GRM7: variants seen among roughly 807,000 people sequenced by gnomAD.
The protein encoded by GRM7 is metabotropic glutamate receptor 7.
A neutral mutation model predicts 84.5 loss-of-function variants in GRM7; 35 were observed. The observed-to-expected ratio is 0.41, with a 90% CI of 0.32 to 0.55. GRM7 has a LOEUF of 0.55. Among genes scored for constraint, GRM7 ranks in the 20% least tolerant of loss-of-function variants. The probability of loss-of-function intolerance (pLI) is 0.19; values close to 1 mark genes in which losing one functional copy is unlikely to be tolerated. For synonymous variants in GRM7, 487 were observed against 455.1 expected, an observed-to-expected ratio of 1.07 and a Z score of -0.89; for missense variants, 1,003 against 1,194.6, an observed-to-expected ratio of 0.84 and a Z score of 2.36.
intron 2 of GRM7, among the ~76,000 whole-genome samples, chr3:7,251,456 T>C (rs1407101362): frequency 6.6e-6 from 1 of 152,146 alleles, no homozygotes; most frequent in Non-Finnish European, 1.5e-5. Context: ...ATAATGAAAA[T>C]ATGCATAAAA....
chr3:7,737,623 A>G (rs888393067), intron 9 of GRM7, among the ~76,000 whole-genome samples: 2 of 152,174 alleles, frequency 1.3e-5, no homozygotes, highest in African/African-American at 4.8e-5. Context: ...CATTGCTGTG[A>G]AAAGTACACA....
At chr3:7,154,569 T>C (rs1335773537) in intron 2 of GRM7, among the ~76,000 whole-genome samples, 1 of 152,060 alleles carries the variant, frequency 6.6e-6, no homozygotes, top group Admixed American at 6.6e-5. Context: ...ATAGGATGCA[T>C]GTGCTAAGGA....
chr3:7,697,138 CT>C (rs1248228603), intron 9 of GRM7, among the ~76,000 whole-genome samples: 3 of 152,130 alleles, frequency 2.0e-5, no homozygotes, highest in African/African-American at 7.2e-5. Context: ...AAAATATTGA[CT>C]TCTCAATCTT....
chr3:7,451,075 C>T (rs535918304), intron 5 of GRM7, among the ~76,000 whole-genome samples: 31 of 152,260 alleles, frequency 2.0e-4, no homozygotes, highest in Admixed American at 1.8e-3. Flanking sequence ...ATTGTTTCTT[C>T]ACTACACAAA....
chr3:6,980,237 A>G (rs912824471), intron 1 of GRM7, among the ~76,000 whole-genome samples: 20 of 152,282 alleles, frequency 1.3e-4, no homozygotes, highest in African/African-American at 4.6e-4. Flanking sequence ...CATAATGTTA[A>G]TGATTACACA....
chr3:6,892,661 C>T (rs1696009576), intron 1 of GRM7: 1 of 152,112 alleles, frequency 6.6e-6, no homozygotes, highest in Non-Finnish European at 1.5e-5. Context: ...GTATTTGTAG[C>T]TGCCCGTTTT....
At chr3:7,223,290 T>C in intron 2 of GRM7, among the ~76,000 whole-genome samples, 2 of 152,228 alleles carry the variant, frequency 1.3e-5, no homozygotes, top group Non-Finnish European at 2.9e-5. Context: ...TAAATTTGAT[T>C]GTATTTTTTT....
intron 4 of GRM7, among the ~76,000 whole-genome samples, chr3:7,348,234 G>T (rs533827637): frequency 6.6e-6 from 1 of 152,134 alleles, no homozygotes; most frequent in South Asian, 2.1e-4. Flanking sequence ...ACTTCAGTTT[G>T]TATCTTGACA....
chr3:7,703,354 G>A (rs112050714), intron 9 of GRM7, among the ~76,000 whole-genome samples: 166 of 152,126 alleles, frequency 1.1e-3, no homozygotes, highest in Middle Eastern at 3.4e-3. Context: ...GCTACTGTAA[G>A]TTCTTTCTTA....
At chr3:7,006,967 A>G (rs578039603) in intron 1 of GRM7, among the ~76,000 whole-genome samples, 16 of 152,388 alleles carry the variant, frequency 1.0e-4, no homozygotes, top group African/African-American at 3.6e-4. Context: ...CTCAATGAGT[A>G]TAAAAGGATA....
intron 8 of GRM7, among the ~76,000 whole-genome samples, chr3:7,648,559 G>A (rs1002925252): frequency 6.6e-6 from 1 of 151,756 alleles, no homozygotes; most frequent in African/African-American, 2.4e-5. Flanking sequence ...TGAGGCAGGA[G>A]AATCGCTTGA....
At chr3:7,411,048 A>G (rs1471890453) in intron 4 of GRM7, among the ~76,000 whole-genome samples, 1 of 151,984 alleles carries the variant, frequency 6.6e-6, no homozygotes, top group Non-Finnish European at 1.5e-5. Context: ...TGTGGCTGCA[A>G]TACCCCATCT....
intron 4 of GRM7, among the ~76,000 whole-genome samples, chr3:7,389,204 T>G (rs751272747): frequency 3.3e-5 from 5 of 152,176 alleles, no homozygotes; most frequent in Non-Finnish European, 5.9e-5. Context: ...CCTCTTGGTA[T>G]TGATTTTGGT....
At chr3:7,032,948 AT>A (rs1396878579) in intron 1 of GRM7, among the ~76,000 whole-genome samples, 1 of 152,198 alleles carries the variant, frequency 6.6e-6, no homozygotes, top group Non-Finnish European at 1.5e-5. Context: ...AAGGATTGCC[AT>A]AACAAATCAA....
rs145983789 is a variant in GRM7, at chr3:7,228,914, C to T, written c.737-69770C>T. Among the ~76,000 whole-genome samples, 1,134 of 152,252 alleles carry T rather than the reference C, an allele frequency of 7.4e-3. 7 individuals are homozygous for T. Among genetic ancestry groups the T allele is most frequent in the Middle Eastern group, 0.041 (12 of 294 alleles). Reference sequence around the variant, plus strand: ...TCAACCACCAGTGGATTGGGTGAAGCATTAATAGTTTTATTAAATAACTTG... The same window carrying T: ...TCAACCACCAGTGGATTGGGTGAAGTATTAATAGTTTTATTAAATAACTTG... On this transcript the variant is annotated intron_variant, in intron 2 of 9. Coordinates refer to ENST00000357716, the MANE Select transcript of GRM7 (RefSeq NM_000844.4).
intron 9 of GRM7, among the ~76,000 whole-genome samples, chr3:7,689,353 A>G (rs1161646325): frequency 1.3e-5 from 2 of 152,182 alleles, no homozygotes; most frequent in Non-Finnish European, 2.9e-5. Flanking sequence ...CTCCCTCTTT[A>G]ACATTCAATG....
At chr3:7,021,027 G>A (rs1874967) in intron 1 of GRM7, among the ~76,000 whole-genome samples, 68,491 of 151,836 alleles carry the variant, frequency 0.45, 15,934 homozygotes, top group South Asian at 0.59. Context: ...AAGAAGTTAG[G>A]TCACCTTAAT....
At chr3:7,260,843 A>T (rs951074037) in intron 2 of GRM7, among the ~76,000 whole-genome samples, 3 of 152,090 alleles carry the variant, frequency 2.0e-5, no homozygotes, top group African/African-American at 7.2e-5. Context: ...TAACTTTTTA[A>T]CGTGGGTGTT....
intron 1 of GRM7, among the ~76,000 whole-genome samples, chr3:6,967,895 A>T (rs769660026): frequency 4.6e-5 from 7 of 152,100 alleles, no homozygotes; most frequent in Non-Finnish European, 8.8e-5. Context: ...GGGTGTGGAG[A>T]GGAGGAGGGC....
Sources: allele counts gnomAD v4.1 joint callset (sites outside exome capture counted in the v4.1 genomes callset), GRCh38; gene constraint gnomAD v4.1.1; transcripts MANE v1.5; gene names NCBI Gene and HGNC (gene_info 2026-07-23, HGNC 2026-07-21).